The following BFSP2 variants were observed in gnomAD, a reference collection of about 807,000 sequenced individuals.
The protein encoded by BFSP2 is beaded filament structural protein 2.
In BFSP2, 38 loss-of-function variants were observed where a neutral mutation model predicts 44.9. That is an observed-to-expected ratio of 0.85 (90% CI 0.65 to 1.11). The LOEUF is 1.11. Among genes scored for constraint, BFSP2 ranks in the 50% least tolerant of loss-of-function variants. BFSP2 has a pLI of 0.00. For synonymous variants in BFSP2, 197 were observed against 209.9 expected, an observed-to-expected ratio of 0.94 and a Z score of 0.53; for missense variants, 525 against 533.0, an observed-to-expected ratio of 0.99 and a Z score of 0.15.
rs143094468 is a variant in BFSP2, at chr3:133,448,272, C to T, written c.573-217C>T. 5.4e-4 allele frequency among the ~76,000 whole-genome samples: 82 copies of T among 152,266 alleles called. 1 individual carries two copies. In the East Asian group the frequency reaches 0.015, roughly 28 times the overall value. ...CAACACTCCCATGAGGCTGGTAGCCCGGGAAGCCAGGTTATCAGAAGTTGG... is the reference window on the plus strand; with the variant it reads ...CAACACTCCCATGAGGCTGGTAGCCTGGGAAGCCAGGTTATCAGAAGTTGG... On this transcript the variant is annotated intron_variant, in intron 2 of 6. Transcript: ENST00000302334.
chr3:133,429,029 C>A (rs201444734), intron 1 of BFSP2, among the ~76,000 whole-genome samples: 1 of 146,298 alleles, frequency 6.8e-6, no homozygotes, highest in African/African-American at 2.5e-5. Flanking sequence ...TGTTAAAAAA[C>A]CTTTTTTTAA....
In BFSP2 at chr3:133,437,545, A is replaced by G. The variant is rs141508570; in HGVS notation, c.490-9772A>G. On this transcript the variant is annotated intron_variant, in intron 1 of 6. Coordinates refer to ENST00000302334, the MANE Select transcript of BFSP2 (RefSeq NM_003571.4). ...TCTCAAAAAACAAAACAAACAAACA[A>G]AAACCAAAAAAATGAAAACAAACGA... 7.1e-3 allele frequency among the ~76,000 whole-genome samples: 1,078 copies of G among 152,070 alleles called. 15 individuals are homozygous for G. The highest frequency in any genetic ancestry group is 0.064 in the East Asian group (332 of 5,178).
intron 1 of BFSP2, among the ~76,000 whole-genome samples, chr3:133,415,391 C>A: frequency 8.2e-6 from 1 of 122,166 alleles, no homozygotes; most frequent in Non-Finnish European, 1.7e-5. Context: ...CTCCCCTCCA[C>A]AAACCCCTCT....
intron 4 of BFSP2, among the ~76,000 whole-genome samples, chr3:133,462,730 C>T (rs867422862): frequency 1.3e-5 from 2 of 152,152 alleles, no homozygotes; most frequent in African/African-American, 4.8e-5. Context: ...TCAATTACAC[C>T]TATAACTTCA....
At chr3:133,434,706 T>C (rs61623183) in intron 1 of BFSP2, among the ~76,000 whole-genome samples, 9,701 of 152,198 alleles carry the variant, frequency 0.064, 958 homozygotes, top group African/African-American at 0.21. Context: ...TTGCCTTAAG[T>C]GATGACATTA....
intron 4 of BFSP2, among the ~76,000 whole-genome samples, chr3:133,461,625 G>A (rs1330997974): frequency 6.6e-6 from 1 of 152,176 alleles, no homozygotes; most frequent in Admixed American, 6.5e-5. Context: ...TAACCAGAAA[G>A]CACAAATCTA....
chr3:133,407,534 T>A (rs1283308301), intron 1 of BFSP2, among the ~76,000 whole-genome samples: 1 of 152,096 alleles, frequency 6.6e-6, no homozygotes, highest in African/African-American at 2.4e-5. Context: ...ATTCCCTTTG[T>A]AAGAACAGAA....
At chr3:133,417,565 C>G (rs557658685) in intron 1 of BFSP2, among the ~76,000 whole-genome samples, 1 of 126,862 alleles carries the variant, frequency 7.9e-6, no homozygotes, top group African/African-American at 3.1e-5. Context: ...CCCTTCTACT[C>G]TCCTCTCTAC....
chr3:133,446,621 T>C (rs1386470725), intron 1 of BFSP2, among the ~76,000 whole-genome samples: 1 of 55,358 alleles, frequency 1.8e-5, no homozygotes, highest in Non-Finnish European at 3.2e-5. Context: ...TATATATATA[T>C]ATATATATAT....
At chr3:133,401,657 C>A (rs924771170) in intron 1 of BFSP2, among the ~76,000 whole-genome samples, 2 of 152,210 alleles carry the variant, frequency 1.3e-5, no homozygotes, top group African/African-American at 4.8e-5. Flanking sequence ...CACCTCTCCT[C>A]CTCCTCTTTC....
intron 4 of BFSP2, among the ~76,000 whole-genome samples, chr3:133,465,427 T>C (rs6765493): frequency 0.028 from 4,197 of 152,194 alleles, 174 homozygotes; most frequent in African/African-American, 0.096. Flanking sequence ...AAAGTAGAGT[T>C]TTTTCCCTCC....
intron 1 of BFSP2, among the ~76,000 whole-genome samples, chr3:133,440,439 A>T (rs970998596): frequency 1.3e-5 from 2 of 152,208 alleles, no homozygotes; most frequent in Non-Finnish European, 2.9e-5. Flanking sequence ...GGAGAAAATT[A>T]AGCCCTAAAG....
At chr3:133,462,637 A>C (rs1297549808) in intron 4 of BFSP2, among the ~76,000 whole-genome samples, 2 of 152,254 alleles carry the variant, frequency 1.3e-5, no homozygotes, top group African/African-American at 4.8e-5. Context: ...ATACTGCTTA[A>C]GGGTAATGTA....
chr3:133,435,864 G>A (rs2073775730), intron 1 of BFSP2, among the ~76,000 whole-genome samples: 1 of 152,062 alleles, frequency 6.6e-6, no homozygotes, highest in Non-Finnish European at 1.5e-5. Flanking sequence ...TTTTCATAAA[G>A]CTCCCATGAT....
At chr3:133,422,498 G>A (rs2073602313) in intron 1 of BFSP2, among the ~76,000 whole-genome samples, 1 of 152,162 alleles carries the variant, frequency 6.6e-6, no homozygotes, top group African/African-American at 2.4e-5. Context: ...CTCCTCATCT[G>A]TAAAATCAGA....
intron 1 of BFSP2, among the ~76,000 whole-genome samples, chr3:133,443,508 G>A (rs948821139): frequency 2.0e-4 from 30 of 152,186 alleles, no homozygotes; most frequent in Admixed American, 1.3e-4. Flanking sequence ...CATGGAAGCC[G>A]AGACAGAAAA....
chr3:133,462,600 T>C (rs1367484201), intron 4 of BFSP2, among the ~76,000 whole-genome samples: 5 of 152,242 alleles, frequency 3.3e-5, no homozygotes, highest in African/African-American at 9.6e-5. Context: ...TATATGTATA[T>C]GTATATATGT....
intron 1 of BFSP2, among the ~76,000 whole-genome samples, chr3:133,417,906 A>C (rs1338746895): frequency 1.8e-3 from 90 of 48,928 alleles, no homozygotes; most frequent in Admixed American, 4.2e-3. Flanking sequence ...TCTCCCCTCT[A>C]CTCACCCCTG....
intron 1 of BFSP2, chr3:133,410,071 C>A: frequency 5.2e-6 from 1 of 193,710 alleles, no homozygotes. Flanking sequence ...CTGAGCCATA[C>A]AAAACTACTA....
Sources: allele counts gnomAD v4.1 joint callset (sites outside exome capture counted in the v4.1 genomes callset), GRCh38; gene constraint gnomAD v4.1.1; transcripts MANE v1.5; gene names NCBI Gene and HGNC (gene_info 2026-07-23, HGNC 2026-07-21).